The following NCOA7 variants were observed in gnomAD, a reference collection of about 807,000 sequenced individuals.
NCOA7 encodes 140 kDa estrogen receptor-associated protein.
A neutral mutation model predicts 104.3 loss-of-function variants in NCOA7; 45 were observed. That is an observed-to-expected ratio of 0.43 (90% CI 0.34 to 0.55). NCOA7 has a LOEUF of 0.55. Ranked by LOEUF, NCOA7 falls within the 20% of genes least tolerant of loss-of-function variation. NCOA7 has a pLI of 0.02. For missense variants in NCOA7, 1,041 were observed against 1,119.7 expected, an observed-to-expected ratio of 0.93 and a Z score of 1.00; for synonymous variants, 398 against 402.3, an observed-to-expected ratio of 0.99 and a Z score of 0.13.
intron 15 of NCOA7, 34 bp from the exon 16 acceptor site, chr6:125,928,602 T>A: frequency 6.3e-7 from 1 of 1,581,992 alleles, no homozygotes; most frequent in Non-Finnish European, 8.6e-7. Flanking sequence ...CATAGAAGTG[T>A]TTTTACCTTT....
At chr6:125,879,400 CTT>C (rs768573715) in intron 5 of NCOA7, among the ~76,000 whole-genome samples, 4 of 152,166 alleles carry the variant, frequency 2.6e-5, no homozygotes, top group Non-Finnish European at 4.4e-5. Flanking sequence ...GATGTTGTCT[CTT>C]TGCATTAATT....
At chr6:125,813,975 A>C (rs1452061685) in intron 1 of NCOA7, among the ~76,000 whole-genome samples, 1 of 152,052 alleles carries the variant, frequency 6.6e-6, no homozygotes, top group Non-Finnish European at 1.5e-5. Flanking sequence ...TGAAATCCTA[A>C]GTGTCTCTCC....
Position 125,890,150 on chromosome 6 carries a change from T to C in NCOA7, c.1927+169T>C, listed in dbSNP as rs114581575. ...TGGGGAGAAAATTTACAAGATATGG[T>C]ATCTATTTTGGAACTTGGACTGTGA... On this transcript the variant is annotated intron_variant, in intron 9 of 15. Coordinates refer to ENST00000392477, the MANE Select transcript of NCOA7 (RefSeq NM_181782.5). 3.5e-3 allele frequency among the ~76,000 whole-genome samples: 526 copies of C among 152,336 alleles called. 4 individuals carry two copies. Among genetic ancestry groups the C allele is most frequent in the African/African-American group, 0.012 (484 of 41,564 alleles).
chr6:125,915,538 G>A (rs114379602), intron 11 of NCOA7, 58 bp downstream of exon 11: 4 of 1,596,024 alleles, frequency 2.5e-6, no homozygotes, highest in East Asian at 2.2e-5. Context: ...AAGCAGTCTC[G>A]CATTCAGATT....
chr6:125,889,521 G>A lies in NCOA7; in HGVS notation c.1467G>A (p.Lys489=), dbSNP rs751898562. ...KGALDLETCE[K]QDIMPEVDKQ... ...CGCTAGATTTAGAAACCTGTGAGAA[G>A]CAAGATATAATGCCAGAAGTGGACA... The change falls in exon 9 of 16, where the codon AAG becomes AAA. Residue 489 remains lysine, a synonymous_variant. Transcript: ENST00000392477. 6.2e-7 allele frequency: 1 copy of A among 1,614,000 alleles called. No individual in the cohort carries two copies. Among genetic ancestry groups the A allele is most frequent in the African/African-American group, 1.3e-5 (1 of 74,918 alleles).
intron 11 of NCOA7, among the ~76,000 whole-genome samples, chr6:125,916,901 G>A (rs899181139): frequency 6.6e-6 from 1 of 152,178 alleles, no homozygotes; most frequent in Non-Finnish European, 1.5e-5. Flanking sequence ...CTTTTTTGAT[G>A]TATGGTAGAT....
At chr6:125,915,527 TA>T in intron 11 of NCOA7, 47 bp downstream of exon 11, 1 of 1,608,224 alleles carries the variant, frequency 6.2e-7, no homozygotes, top group Non-Finnish European at 8.5e-7. Context: ...TAAGGTACAG[TA>T]AGCAGTCTCG....
chr6:125,833,240 T>A (rs992759375), intron 2 of NCOA7, among the ~76,000 whole-genome samples: 11 of 152,100 alleles, frequency 7.2e-5, no homozygotes, highest in Non-Finnish European at 1.0e-4. Flanking sequence ...ATTTGCTTAT[T>A]ATGAAGATCA....
chr6:125,887,125 G>A (rs1258060389), intron 8 of NCOA7, among the ~76,000 whole-genome samples: 1 of 152,228 alleles, frequency 6.6e-6, no homozygotes, highest in African/African-American at 2.4e-5. Context: ...TTTGGATTAG[G>A]TAAAAGAAGA....
chr6:125,868,451 A>C (rs1033264896), intron 3 of NCOA7, among the ~76,000 whole-genome samples: 2 of 152,214 alleles, frequency 1.3e-5, no homozygotes, highest in Non-Finnish European at 2.9e-5. Context: ...TCAGCATTTC[A>C]TTTTACAGCT....
intron 2 of NCOA7, among the ~76,000 whole-genome samples, chr6:125,834,151 G>A (rs1450914854): frequency 6.6e-6 from 1 of 151,422 alleles, no homozygotes; most frequent in Non-Finnish European, 1.5e-5. Context: ...GCTTATTTTT[G>A]TTTTTGTTTT....
intron 3 of NCOA7, among the ~76,000 whole-genome samples, chr6:125,858,150 T>G (rs1781740950): frequency 6.6e-6 from 1 of 151,968 alleles, no homozygotes; most frequent in Non-Finnish European, 1.5e-5. Flanking sequence ...CTGGGGTGAC[T>G]TAGACCCTAG....
rs1032945169 is a variant in NCOA7 at position 125,881,346 on chromosome 6, C to T, written c.573+143C>T. The T allele has an allele frequency of 3.8e-5, 26 of 686,904 alleles. No homozygotes were observed. In the African/African-American group the frequency reaches 4.0e-4, roughly 10 times the overall value. 42.6% of individuals were successfully genotyped at this position (686,904 alleles called of 1,614,324 possible). ...TAGGTAATTGGAGAATGCATCCTCT[C>T]CAAGGGAAACTTATTCACATTTAAG... On this transcript the variant is annotated intron_variant, in intron 6 of 15. Coordinates refer to ENST00000392477, the MANE Select transcript of NCOA7 (RefSeq NM_181782.5).
chr6:125,819,348 C>G (rs563673995), intron 2 of NCOA7, among the ~76,000 whole-genome samples: 2 of 151,740 alleles, frequency 1.3e-5, no homozygotes, highest in Non-Finnish European at 2.9e-5. Context: ...TATAATTTAT[C>G]TTGAAATATG....
At position 125,928,768 on chromosome 6, in the gene NCOA7, T is replaced by C. The variant is rs1567; in HGVS notation, c.2826T>C (p.Asp942=). The stretch of plus-strand genomic sequence containing the variant: ...AGGATCTGGAGGTGTGGGCATTTGA[T>C]TGAAATTCAGACTGCCTTAAAATAT... ...IVQDLEVWAF[D] is the part of the protein sequence containing the mutation. Residue 942 remains aspartate (D), a synonymous_variant, in exon 16 of 16, where the codon GAT becomes GAC. Transcript: ENST00000392477. 6.2e-7 allele frequency: 1 copy of C among 1,609,948 alleles called. No homozygotes were observed. Among genetic ancestry groups the C allele is most frequent in the Non-Finnish European group, 8.5e-7 (1 of 1,178,794 alleles).
chr6:125,806,808 G>A (rs1357177183), intron 1 of NCOA7, among the ~76,000 whole-genome samples: 2 of 152,172 alleles, frequency 1.3e-5, no homozygotes, highest in African/African-American at 4.8e-5. Context: ...TGAAATACCT[G>A]TGATCAAGTA....
intron 11 of NCOA7, among the ~76,000 whole-genome samples, chr6:125,919,848 A>G (rs1787418379): frequency 6.6e-6 from 1 of 152,226 alleles, no homozygotes; most frequent in South Asian, 2.1e-4. Flanking sequence ...GTCATTGTGC[A>G]TTTTGGAAAT....
At chr6:125,926,551 T>G (rs1278649509) in intron 13 of NCOA7, among the ~76,000 whole-genome samples, 1 of 152,130 alleles carries the variant, frequency 6.6e-6, no homozygotes, top group Non-Finnish European at 1.5e-5. Flanking sequence ...GGCAAAGGAT[T>G]TTTTATGTTT....
At chr6:125,839,429 G>C in intron 2 of NCOA7, among the ~76,000 whole-genome samples, 1 of 151,068 alleles carries the variant, frequency 6.6e-6, no homozygotes, top group East Asian at 1.9e-4. Flanking sequence ...AGGCCTTAGT[G>C]ATTTAACTCT....
Sources: gnomAD v4.1 joint callset for allele counts (sites outside exome capture counted in the v4.1 genomes callset) on GRCh38, gnomAD v4.1.1 for gene constraint, MANE v1.5 for transcripts, NCBI Gene and HGNC (gene_info 2026-07-23, HGNC 2026-07-21) for gene names.